The following ADCY8 variants were observed in gnomAD, a reference collection of about 807,000 sequenced individuals.
ADCY8 encodes the protein adenylate cyclase type 8.
Under a neutral mutation model 119.7 loss-of-function variants are expected in ADCY8, and 51 were observed. The ratio of observed to expected loss-of-function variants is 0.43; its 90% CI spans 0.34 to 0.54. ADCY8 has a LOEUF of 0.54. ADCY8 is among the 20% of genes least tolerant of loss of function. ADCY8 has a pLI of 0.03. For missense variants in ADCY8, 1,383 were observed against 1,598.8 expected, an observed-to-expected ratio of 0.87 and a Z score of 2.30; for synonymous variants, 665 against 651.0, an observed-to-expected ratio of 1.02 and a Z score of -0.33.
intron 12 of ADCY8, among the ~76,000 whole-genome samples, chr8:130,825,094 G>A (rs1196034747): frequency 6.6e-6 from 1 of 151,988 alleles, no homozygotes; most frequent in Non-Finnish European, 1.5e-5. Flanking sequence ...ATATTTATAG[G>A]GCACAGAGCG....
chr8:130,996,967 T>A (rs915074829), intron 1 of ADCY8, among the ~76,000 whole-genome samples: 3 of 152,144 alleles, frequency 2.0e-5, no homozygotes, highest in Non-Finnish European at 4.4e-5. Context: ...AGACAGAACA[T>A]TAGAAACTTC....
chr8:131,007,330 A>G (rs546627917), intron 1 of ADCY8, among the ~76,000 whole-genome samples: 376 of 152,206 alleles, frequency 2.5e-3, no homozygotes, highest in African/African-American at 8.7e-3. Context: ...GGTAGGTCCT[A>G]CCTCCTTATT....
chr8:130,932,306 T>C (rs1475244743), intron 5 of ADCY8, among the ~76,000 whole-genome samples: 1 of 152,178 alleles, frequency 6.6e-6, no homozygotes. Context: ...GAGATCAGAC[T>C]GGCCAAGCAA....
At chr8:130,990,644 T>C in intron 1 of ADCY8, 102 bp from the exon 2 acceptor site, 2 of 1,410,890 alleles carry the variant, frequency 1.4e-6, no homozygotes. Flanking sequence ...AATCCTAATG[T>C]AGTAATCCAT....
intron 15 of ADCY8, among the ~76,000 whole-genome samples, chr8:130,787,559 G>A (rs995617691): frequency 9.2e-5 from 13 of 142,058 alleles, no homozygotes; most frequent in African/African-American, 3.2e-4. Flanking sequence ...GGACACACAT[G>A]TGGGCACATT....
intron 12 of ADCY8, among the ~76,000 whole-genome samples, chr8:130,823,296 G>A (rs191629216): frequency 6.6e-6 from 1 of 152,314 alleles, no homozygotes; most frequent in Non-Finnish European, 1.5e-5. Flanking sequence ...AAAACAGCCT[G>A]AGCACAGACT....
chr8:130,901,417 A>G (rs1305895126), intron 7 of ADCY8, among the ~76,000 whole-genome samples: 3 of 152,196 alleles, frequency 2.0e-5, no homozygotes, highest in Non-Finnish European at 4.4e-5. Context: ...AGCACATATT[A>G]TGAATGAATA....
chr8:130,780,413 T>C lies in ADCY8; in HGVS notation c.3733A>G (p.Thr1245Ala). The C allele has an allele frequency of 6.5e-7, 1 of 1,550,166 alleles. No homozygotes were observed. Among genetic ancestry groups the C allele is most frequent in the Non-Finnish European group, 8.7e-7 (1 of 1,146,008 alleles). The change falls in exon 18 of 18, where the codon ACC (threonine) becomes GCC (alanine). Residue 1245 changes from threonine to alanine, a missense_variant. Physicochemically the swap from Thr to Ala is moderately conservative, Grantham distance 58. Transcript: ENST00000286355. Reference sequence around the variant, plus strand: ...TTTTATGGCAAATCAGATTTGTCGGTGCCTTCAGCCTGGGCTCCAGGCTCT... The same window carrying C: ...TTTTATGGCAAATCAGATTTGTCGGCGCCTTCAGCCTGGGCTCCAGGCTCT... ...GTEPGAQAEG[T>A]DKSDLP
intron 3 of ADCY8, 21 bp from the exon 4 acceptor site, chr8:130,943,483 G>C: frequency 9.1e-7 from 1 of 1,101,992 alleles, no homozygotes; most frequent in Non-Finnish European, 1.4e-6. Flanking sequence ...GGAAGAGGGT[G>C]GGGGTGGGGG....
rs533043537 is a variant in ADCY8, at chr8:131,017,128, G to A, written c.960+22246C>T. Among the ~76,000 whole-genome samples, 151 of 151,576 alleles carry A rather than the reference G, an allele frequency of 1.0e-3. 1 individual carries two copies. In the Middle Eastern group the frequency reaches 0.02, roughly 20 times the overall value. On this transcript the variant is annotated intron_variant, in intron 1 of 17. Transcript: ENST00000286355. ...TTTGTCACTAAGGCTGGAGTGCAGC[G>A]GCATGATCTCGGTTCACTGCAACCT...
At chr8:130,998,403 G>C (rs1822845442) in intron 1 of ADCY8, among the ~76,000 whole-genome samples, 1 of 152,142 alleles carries the variant, frequency 6.6e-6, no homozygotes, top group African/African-American at 2.4e-5. Flanking sequence ...GGAGAAGCAA[G>C]AACCCACTTC....
intron 1 of ADCY8, among the ~76,000 whole-genome samples, chr8:130,996,236 A>G (rs1233851428): frequency 6.6e-6 from 1 of 152,188 alleles, no homozygotes; most frequent in Non-Finnish European, 1.5e-5. Context: ...AATAGTTATA[A>G]TATGTAACTA....
chr8:130,807,090 G>A (rs559466527), intron 14 of ADCY8, among the ~76,000 whole-genome samples: 3 of 152,330 alleles, frequency 2.0e-5, no homozygotes, highest in South Asian at 2.1e-4. Context: ...CTGGTTGGTC[G>A]AAGGTATGGA....
chr8:130,792,184 T>C (rs1317546421), intron 15 of ADCY8, among the ~76,000 whole-genome samples: 2 of 152,186 alleles, frequency 1.3e-5, no homozygotes, highest in Non-Finnish European at 2.9e-5. Context: ...CTCCTGTTTA[T>C]ACCTTTGTTC....
chr8:130,981,322 C>T (rs1479119522), intron 2 of ADCY8, among the ~76,000 whole-genome samples: 3 of 152,182 alleles, frequency 2.0e-5, no homozygotes, highest in East Asian at 1.9e-4. Flanking sequence ...TCAAGTCCCA[C>T]TAAAATAAGC....
chr8:131,024,833 C>G (rs11784937), intron 1 of ADCY8, among the ~76,000 whole-genome samples: 3,696 of 152,242 alleles, frequency 0.024, 47 homozygotes, highest in East Asian at 0.057. Flanking sequence ...TAAATCATTA[C>G]TCATAATTCT....
chr8:131,040,130 G>C lies in ADCY8; in HGVS notation c.204C>G (p.Ala68=), dbSNP rs749719034. The change falls in exon 1 of 18, where the codon GCC becomes GCG. Residue 68 remains alanine (A), a synonymous_variant. Coordinates refer to ENST00000286355, the MANE Select transcript of ADCY8 (RefSeq NM_001115.3). ...SGSGSGGSGK[A]SDPAGGGPNH... is the part of the protein sequence containing the mutation. ...TGGGGCCGCCGCCCGCAGGGTCCGAGGCTTTGCCCGAGCCTCCACTCCCGC... is the reference window on the plus strand; with the variant it reads ...TGGGGCCGCCGCCCGCAGGGTCCGACGCTTTGCCCGAGCCTCCACTCCCGC... 1 of 1,531,952 alleles carries C rather than the reference G, an allele frequency of 6.5e-7. No homozygotes were observed. Among genetic ancestry groups the C allele is most frequent in the African/African-American group, 1.4e-5 (1 of 72,916 alleles). 94.9% of individuals were successfully genotyped at this position (1,531,952 alleles called of 1,614,324 possible).
intron 5 of ADCY8, among the ~76,000 whole-genome samples, chr8:130,927,811 C>A (rs962579176): frequency 1.3e-5 from 2 of 152,152 alleles, no homozygotes; most frequent in African/African-American, 4.8e-5. Context: ...CTTGTTTGAC[C>A]GCTCTAGCTG....
chr8:131,040,275 G>T lies in ADCY8; in HGVS notation c.59C>A (p.Pro20Gln), dbSNP rs761567285. 9.6e-6 allele frequency: 15 copies of T among 1,566,454 alleles called. No individual in the cohort carries two copies. The African/African-American group carries it at 1.9e-4, about 20-fold the overall frequency. ...CCTGCCGTCGCCGGCCGGGGGCGTC[G>T]GGTGGATGGTGTAGAGTTCCTCGCT... ...TGSEELYTIH[P>Q]TPPAGDGRSA... is the part of the protein sequence containing the mutation. The change falls in exon 1 of 18, where the codon CCG becomes CAG. Residue 20 changes from proline (P) to glutamine (Q), a missense_variant. Physicochemically the swap from Pro to Gln is moderately conservative, Grantham distance 76. Transcript: ENST00000286355.
Sources: allele counts gnomAD v4.1 joint callset (sites outside exome capture counted in the v4.1 genomes callset), GRCh38; gene constraint gnomAD v4.1.1; transcripts MANE v1.5; gene names NCBI Gene and HGNC (gene_info 2026-07-23, HGNC 2026-07-21).